UTS2: variants seen among roughly 807,000 people sequenced by gnomAD.
The protein encoded by UTS2 is urotensin 2, also known as urotensin-2.
UTS2 carries 10 observed loss-of-function variants against 12.6 expected under a neutral mutation model. The ratio of observed to expected loss-of-function variants is 0.80; its 90% CI spans 0.49 to 1.35. UTS2 has a LOEUF of 1.35. Ranked by LOEUF, UTS2 falls within the 40% of genes most tolerant of loss-of-function variation. UTS2 has a pLI of 0.00. For missense variants in UTS2, 142 were observed against 143.2 expected (o/e 0.99, Z 0.04); for synonymous variants, 52 against 50.0 (o/e 1.04, Z -0.17).
At chr1:7,864,356 C>T in the UTS2 span, among the ~76,000 whole-genome samples, 16 of 151,970 alleles carry the variant, frequency 1.1e-4, no homozygotes, top group African/African-American at 1.5e-4. Flanking sequence ...CAGGCCTCTC[C>T]GACCTTCCCC....
chr1:7,897,176 T>C, the UTS2 span, among the ~76,000 whole-genome samples: 2 of 152,256 alleles, frequency 1.3e-5, no homozygotes, highest in African/African-American at 4.8e-5. Flanking sequence ...CAATGAGTTC[T>C]TGGGGATATT....
At chr1:7,909,637 T>A in the UTS2 span, among the ~76,000 whole-genome samples, 1 of 152,082 alleles carries the variant, frequency 6.6e-6, no homozygotes, top group Non-Finnish European at 1.5e-5. Flanking sequence ...ATATTTTTTT[T>A]TGAGACGGAG....
chr1:7,895,366 T>TC, the UTS2 span, among the ~76,000 whole-genome samples: 4 of 141,016 alleles, frequency 2.8e-5, no homozygotes, highest in East Asian at 7.1e-4. Context: ...CGAGACTCCA[T>TC]CCCAAAAAAA....
intron 1 of UTS2, 33 bp downstream of exon 1, chr1:7,852,868 A>G: frequency 6.3e-7 from 1 of 1,586,090 alleles, no homozygotes; most frequent in African/African-American, 1.4e-5. Context: ...AGGCTCTTTC[A>G]AGACTAACAT....
chr1:7,870,015 C>T, the UTS2 span, among the ~76,000 whole-genome samples: 1 of 152,166 alleles, frequency 6.6e-6, no homozygotes. Context: ...GAATGGGTGC[C>T]GAGCTGAACT....
chr1:7,911,015 AC>A, the UTS2 span, among the ~76,000 whole-genome samples: 1 of 148,754 alleles, frequency 6.7e-6, no homozygotes, highest in African/African-American at 2.5e-5. Context: ...GGTGTGAGCC[AC>A]CGTGACTGCC....
chr1:7,852,173 A>T (rs912654034), intron 1 of UTS2, among the ~76,000 whole-genome samples: 1 of 152,216 alleles, frequency 6.6e-6, no homozygotes, highest in South Asian at 2.1e-4. Flanking sequence ...TTATTTAAAA[A>T]AAGCCTATTT....
At chr1:7,871,580 T>G in the UTS2 span, among the ~76,000 whole-genome samples, 1 of 152,220 alleles carries the variant, frequency 6.6e-6, no homozygotes, top group Non-Finnish European at 1.5e-5. Flanking sequence ...ATTGCATTTT[T>G]TTTTTTAAAT....
chr1:7,890,063 T>C, the UTS2 span, among the ~76,000 whole-genome samples: 2 of 142,536 alleles, frequency 1.4e-5, no homozygotes, highest in African/African-American at 2.7e-5. Flanking sequence ...CGAGACTCCA[T>C]CTCAAAAAAA....
At chr1:7,888,297 C>T in the UTS2 span, among the ~76,000 whole-genome samples, 2 of 152,056 alleles carry the variant, frequency 1.3e-5, no homozygotes, top group Non-Finnish European at 2.9e-5. Context: ...GCAACAATTC[C>T]AAAACAGCAC....
chr1:7,905,820 G>A, the UTS2 span, among the ~76,000 whole-genome samples: 15 of 152,168 alleles, frequency 9.9e-5, no homozygotes, highest in African/African-American at 3.6e-4. Flanking sequence ...TGTTGAGGTT[G>A]GGCTGACGGT....
the UTS2 span, among the ~76,000 whole-genome samples, chr1:7,910,539 T>C: frequency 1.3e-5 from 2 of 152,294 alleles, no homozygotes; most frequent in Admixed American, 6.5e-5. Flanking sequence ...AACCTAAGCA[T>C]AAAAATTGAC....
the UTS2 span, among the ~76,000 whole-genome samples, chr1:7,882,873 T>C: frequency 0.014 from 2,159 of 152,186 alleles, 29 homozygotes; most frequent in Non-Finnish European, 0.024. Context: ...GAGATACATA[T>C]CCCAATTCGA....
At chr1:7,852,791 C>G in intron 1 of UTS2, 110 bp downstream of exon 1, 1 of 1,276,664 alleles carries the variant, frequency 7.8e-7, no homozygotes, top group South Asian at 1.6e-5. Flanking sequence ...ATTGAGAGAA[C>G]AAGACTCCAG....
At chr1:7,904,858 C>T in the UTS2 span, among the ~76,000 whole-genome samples, 5 of 127,038 alleles carry the variant, frequency 3.9e-5, no homozygotes, top group South Asian at 2.7e-4. Context: ...AAGCCTAGAT[C>T]GTGCCACTGG....
chr1:7,847,974 A>G, intron 3 of UTS2, 92 bp from the exon 4 acceptor site: 3 of 881,886 alleles, frequency 3.4e-6, no homozygotes, highest in Non-Finnish European at 1.8e-6. Context: ...ATCTTGAGTC[A>G]AGACACTGGA....
chr1:7,890,124 TA>T, the UTS2 span, among the ~76,000 whole-genome samples: 4,282 of 135,398 alleles, frequency 0.032, 150 homozygotes, highest in East Asian at 0.15. Context: ...AGCCTCCATC[TA>T]AAAAAAAAAA....
At position 7,847,899 on chromosome 1, in the gene UTS2, G is replaced by C. The variant is rs767429139; in HGVS notation, c.259-17C>G. ...ATCCTGAAACTAAAACAATCCAAAC[G>C]AACAACAACAACAAAAAAAAACAGA... is the stretch of plus-strand genomic sequence containing the variant. On this transcript the variant is annotated splice_polypyrimidine_tract_variant and intron_variant, in intron 3 of 3. Coordinates refer to ENST00000361696, the MANE Select transcript of UTS2 (RefSeq NM_006786.4). The C allele has an allele frequency of 1.0e-5, 16 of 1,525,282 alleles. No homozygotes were observed. Among genetic ancestry groups the C allele is most frequent in the African/African-American group, 5.7e-5 (4 of 70,714 alleles). The allele number at this position is 1,525,282 out of a possible 1,614,324, so 94.5% of individuals were successfully genotyped here. A position where few individuals can be genotyped will look rare whatever the true frequency, so the allele number is the denominator to read the frequency against.
chr1:7,885,839 G>A, the UTS2 span, among the ~76,000 whole-genome samples: 1 of 298 alleles, frequency 3.4e-3, no homozygotes, highest in Admixed American at 0.05. Context: ...AATCAGGAAG[G>A]GCGAGGCCCA....
Sources: allele counts gnomAD v4.1 joint callset (sites outside exome capture counted in the v4.1 genomes callset), GRCh38; gene constraint gnomAD v4.1.1; transcripts MANE v1.5; gene names NCBI Gene and HGNC (gene_info 2026-07-23, HGNC 2026-07-21).